The following GALNT17 variants were observed in gnomAD, a reference collection of about 807,000 sequenced individuals.
GALNT17 encodes polypeptide N-acetylgalactosaminyltransferase 17, also known as UDP-GalNAc:polypeptide N-acetylgalactosaminyltransferase-like 3.
A neutral mutation model predicts 63.7 loss-of-function variants in GALNT17; 29 were observed. The ratio of observed to expected loss-of-function variants is 0.46; its 90% CI spans 0.34 to 0.62. The LOEUF (loss-of-function observed/expected upper bound fraction) is 0.62. Ranked by LOEUF, GALNT17 falls within the 20% of genes least tolerant of loss-of-function variation. The probability of loss-of-function intolerance (pLI) is 0.01; values close to 1 mark genes in which losing one functional copy is unlikely to be tolerated. For synonymous variants in GALNT17, 305 were observed against 318.3 expected, an observed-to-expected ratio of 0.96 and a Z score of 0.45; for missense variants, 603 against 799.6, an observed-to-expected ratio of 0.75 and a Z score of 2.97.
At chr7:71,572,385 C>G (rs1244473221) in intron 6 of GALNT17, among the ~76,000 whole-genome samples, 1 of 150,446 alleles carries the variant, frequency 6.6e-6, no homozygotes, top group East Asian at 2.0e-4. Context: ...ACCTGTAGTC[C>G]CAGCTACTCA....
At chr7:71,585,693 G>C (rs6952924) in intron 6 of GALNT17, among the ~76,000 whole-genome samples, 132,660 of 151,888 alleles carry the variant, frequency 0.87, 59,105 homozygotes, top group East Asian at 0.99. Context: ...TTTGCCCACT[G>C]TATATTTACT....
intron 5 of GALNT17, among the ~76,000 whole-genome samples, chr7:71,488,286 G>A (rs1787946815): frequency 6.6e-6 from 1 of 152,090 alleles, no homozygotes; most frequent in African/African-American, 2.4e-5. Context: ...GGATGTCTGG[G>A]CAGGCAAGCT....
intron 2 of GALNT17, among the ~76,000 whole-genome samples, chr7:71,382,167 G>T (rs1007285208): frequency 2.0e-5 from 3 of 152,086 alleles, no homozygotes; most frequent in African/African-American, 7.2e-5. Flanking sequence ...ATCGCCTGAG[G>T]TCAGGAGTTC....
In GALNT17 at chr7:71,262,678, T is replaced by G. The variant is rs796301719; in HGVS notation, c.239-72872T>G. Among the ~76,000 whole-genome samples the G allele has an allele frequency of 9.5e-5, 14 of 147,758 alleles. No homozygotes were observed. In the South Asian group the frequency reaches 3.0e-3, roughly 32 times the overall value. ...TGACTGGTGTCCTTTTTTTTTACTT[T>G]CTTTTTTTTTTTTTTTTTTTGAGAC... On this transcript the variant is annotated intron_variant, in intron 1 of 10. Transcript: ENST00000333538.
chr7:71,139,992 TTAAAAA>T (rs1371654654), intron 1 of GALNT17, among the ~76,000 whole-genome samples: 3 of 150,828 alleles, frequency 2.0e-5, no homozygotes, highest in Admixed American at 1.3e-4. Context: ...AGACTCTGTC[TTAAAAA>T]TAAACAAACA....
At chr7:71,695,364 GC>G (rs1260809022) in intron 9 of GALNT17, among the ~76,000 whole-genome samples, 3 of 152,264 alleles carry the variant, frequency 2.0e-5, no homozygotes, top group Admixed American at 1.3e-4. Context: ...GAAACATAGT[GC>G]TTGAATCCAG....
chr7:71,610,524 G>A (rs1257354416), intron 6 of GALNT17, among the ~76,000 whole-genome samples: 1 of 151,886 alleles, frequency 6.6e-6, no homozygotes. Flanking sequence ...CAGCATTCTG[G>A]GGCAAAGGAG....
intron 2 of GALNT17, among the ~76,000 whole-genome samples, chr7:71,373,490 C>T (rs999508221): frequency 5.9e-5 from 9 of 152,048 alleles, no homozygotes; most frequent in African/African-American, 1.4e-4. Context: ...GGAGTGGTTT[C>T]GGTCTGCAGC....
chr7:71,484,455 T>G (rs1787875948), intron 5 of GALNT17, among the ~76,000 whole-genome samples: 1 of 152,152 alleles, frequency 6.6e-6, no homozygotes, highest in Non-Finnish European at 1.5e-5. Context: ...ACTACTGCAC[T>G]CCAGTCTGGG....
rs1482406263 is a variant in GALNT17, at chr7:71,300,225, G to A, written c.239-35325G>A. 3 of 288,494 alleles carry A rather than the reference G, an allele frequency of 1.0e-5. No individual in the cohort carries two copies. In the East Asian group the frequency reaches 3.0e-4, roughly 29 times the overall value. The allele number at this position is 288,494 out of a possible 1,614,324, so 17.9% of individuals were successfully genotyped here. On this transcript the variant is annotated intron_variant, in intron 1 of 10. Transcript: ENST00000333538. ...AATTGCTTTGATGACACCCTTGGGAGTTGGGACTCCTTTTAGTAATTTAGG... is the reference window on the plus strand; with the variant it reads ...AATTGCTTTGATGACACCCTTGGGAATTGGGACTCCTTTTAGTAATTTAGG...
chr7:71,590,982 A>G (rs1789791190), intron 6 of GALNT17, among the ~76,000 whole-genome samples: 1 of 152,188 alleles, frequency 6.6e-6, no homozygotes, highest in Non-Finnish European at 1.5e-5. Context: ...GCTGGTCTCG[A>G]ACTCTTGACC....
intron 3 of GALNT17, among the ~76,000 whole-genome samples, chr7:71,392,937 T>C (rs779367638): frequency 3.9e-5 from 6 of 152,244 alleles, no homozygotes; most frequent in Non-Finnish European, 8.8e-5. Context: ...TCTACGTCTA[T>C]TTAAAAAGAC....
chr7:71,321,868 T>C (rs1791612862), intron 1 of GALNT17, among the ~76,000 whole-genome samples: 1 of 30,018 alleles, frequency 3.3e-5, no homozygotes, highest in Non-Finnish European at 5.3e-5. Flanking sequence ...CTTCCTTCCT[T>C]TCCTTCCTTC....
chr7:71,553,370 C>T (rs1178181219), intron 5 of GALNT17, among the ~76,000 whole-genome samples: 2 of 151,574 alleles, frequency 1.3e-5, no homozygotes, highest in Non-Finnish European at 2.9e-5. Context: ...TTTTTTTAGG[C>T]TATAGAGTTG....
At chr7:71,230,619 A>G (rs548420965) in intron 1 of GALNT17, among the ~76,000 whole-genome samples, 2 of 152,280 alleles carry the variant, frequency 1.3e-5, no homozygotes, top group East Asian at 1.9e-4. Context: ...TTAGATAGCC[A>G]GTAGTGTTGG....
chr7:71,168,354 A>C (rs1788483708), intron 1 of GALNT17, among the ~76,000 whole-genome samples: 1 of 152,104 alleles, frequency 6.6e-6, no homozygotes, highest in Admixed American at 6.5e-5. Context: ...TGGGTGGATC[A>C]CGAGGTCAGG....
intron 1 of GALNT17, among the ~76,000 whole-genome samples, 164 bp from the exon 2 acceptor site, chr7:71,335,386 A>G (rs899810778): frequency 6.6e-6 from 1 of 152,184 alleles, no homozygotes; most frequent in Non-Finnish European, 1.5e-5. Context: ...CTTCCTCTCA[A>G]TGGAAATGTT....
intron 6 of GALNT17, among the ~76,000 whole-genome samples, chr7:71,629,273 G>A (rs980563215): frequency 6.6e-6 from 1 of 152,112 alleles, no homozygotes; most frequent in African/African-American, 2.4e-5. Flanking sequence ...CTCCAGCCAG[G>A]AGCCAGCCCA....
At chr7:71,152,430 C>A (rs1406510379) in intron 1 of GALNT17, among the ~76,000 whole-genome samples, 1 of 152,154 alleles carries the variant, frequency 6.6e-6, no homozygotes, top group Admixed American at 6.5e-5. Flanking sequence ...CTAATGTCTT[C>A]ATCCTCATCC....
Sources: allele counts gnomAD v4.1 joint callset (sites outside exome capture counted in the v4.1 genomes callset), GRCh38; gene constraint gnomAD v4.1.1; transcripts MANE v1.5; gene names NCBI Gene and HGNC (gene_info 2026-07-23, HGNC 2026-07-21).